UNC79: variants seen among roughly 807,000 people sequenced by gnomAD.
The protein encoded by UNC79 is unc-79 subunit of NALCN channel complex.
Under a neutral mutation model 283.1 loss-of-function variants are expected in UNC79, and 37 were observed. The observed-to-expected ratio is 0.13, with a 90% CI of 0.10 to 0.17. The LOEUF is 0.17. Among genes scored for constraint, UNC79 ranks in the 10% least tolerant of loss-of-function variants. The pLI, the probability that UNC79 is intolerant of heterozygous loss-of-function variation, is 1.00. For synonymous variants in UNC79, 1,107 were observed against 1,200.2 expected (o/e 0.92, Z 1.61); for missense variants, 2,272 against 3,211.1 (o/e 0.71, Z 7.07).
chr14:93,358,396 G>T (rs1215987411), intron 1 of UNC79, among the ~76,000 whole-genome samples: 2 of 152,160 alleles, frequency 1.3e-5, no homozygotes, highest in Non-Finnish European at 2.9e-5. Context: ...TTCAGAAGCA[G>T]ATCCTGAGCC....
At chr14:93,431,673 G>T (rs2055884047) in intron 1 of UNC79, among the ~76,000 whole-genome samples, 1 of 152,202 alleles carries the variant, frequency 6.6e-6, no homozygotes, top group Non-Finnish European at 1.5e-5. Context: ...CTGGGAAAAT[G>T]ACCTAATTGA....
chr14:93,377,619 A>C (rs953312602), intron 1 of UNC79, among the ~76,000 whole-genome samples: 1 of 152,220 alleles, frequency 6.6e-6, no homozygotes, highest in East Asian at 1.9e-4. Flanking sequence ...TCAATCTCTC[A>C]AACTCTACAT....
intron 31 of UNC79, among the ~76,000 whole-genome samples, chr14:93,632,682 T>C (rs1401418903): frequency 2.0e-5 from 3 of 150,664 alleles, no homozygotes; most frequent in African/African-American, 7.4e-5. Context: ...CTGTGCACCC[T>C]GTCTCAAAAA....
At chr14:93,550,046 A>G (rs1336923840) in intron 14 of UNC79, among the ~76,000 whole-genome samples, 1 of 152,246 alleles carries the variant, frequency 6.6e-6, no homozygotes, top group Non-Finnish European at 1.5e-5. Context: ...CATTCAGCAA[A>G]CATGGACTTC....
chr14:93,654,866 C>A (rs1008937030), intron 37 of UNC79, among the ~76,000 whole-genome samples: 15 of 152,080 alleles, frequency 9.9e-5, no homozygotes, highest in Non-Finnish European at 1.9e-4. Flanking sequence ...GGTTTGCTTG[C>A]GGGAGATGCT....
intron 1 of UNC79, among the ~76,000 whole-genome samples, chr14:93,412,330 A>G (rs1307418883): frequency 2.0e-5 from 3 of 152,086 alleles, no homozygotes; most frequent in African/African-American, 7.2e-5. Flanking sequence ...TATTGGCCTT[A>G]AAGAGGAGGT....
At chr14:93,705,977 A>G (rs1029342549) in intron 48 of UNC79, among the ~76,000 whole-genome samples, 5 of 152,158 alleles carry the variant, frequency 3.3e-5, no homozygotes, top group Admixed American at 2.0e-4. Flanking sequence ...GGGCATGGGC[A>G]CTGCTGAAAA....
intron 22 of UNC79, among the ~76,000 whole-genome samples, chr14:93,587,402 T>G (rs2064298136): frequency 6.6e-6 from 1 of 152,184 alleles, no homozygotes; most frequent in African/African-American, 2.4e-5. Flanking sequence ...CCTGAAAACC[T>G]TAAAATAACT....
intron 35 of UNC79, among the ~76,000 whole-genome samples, chr14:93,652,130 C>T (rs541475475): frequency 2.3e-4 from 35 of 152,060 alleles, no homozygotes; most frequent in African/African-American, 8.0e-4. Flanking sequence ...ATGGGAGAGT[C>T]GGCACCCTTT....
chr14:93,511,194 C>T (rs762384522), intron 7 of UNC79, among the ~76,000 whole-genome samples: 6 of 152,210 alleles, frequency 3.9e-5, no homozygotes, highest in East Asian at 3.9e-4. Context: ...TCCACTCCCA[C>T]GATCTAGTCA....
rs750840316 is a variant in UNC79, at chr14:93,597,564, G to A, written c.3372+24G>A. The A allele has an allele frequency of 2.5e-6, 4 of 1,600,000 alleles. No individual in the cohort carries two copies. In the African/African-American group the frequency reaches 5.4e-5, roughly 21 times the overall value. On this transcript the variant is annotated intron_variant, in intron 24 of 48. Coordinates refer to ENST00000555664, the Ensembl canonical transcript of UNC79. ...AGGTGACATGTGATTTGTGTTATCT[G>A]CTCCGAAGGTGGTTTGTGTCAGCAC...
intron 30 of UNC79, among the ~76,000 whole-genome samples, chr14:93,626,595 G>A (rs533605847): frequency 1.3e-5 from 2 of 152,148 alleles, no homozygotes; most frequent in South Asian, 4.2e-4. Context: ...AAACATTTTG[G>A]AAGAGATAGA....
At chr14:93,503,044 A>G (rs1370098968) in intron 7 of UNC79, among the ~76,000 whole-genome samples, 5 of 152,334 alleles carry the variant, frequency 3.3e-5, no homozygotes, top group African/African-American at 7.2e-5. Context: ...TCACAAATTT[A>G]TAAGTGTTCA....
chr14:93,618,568 T>A (rs2066899587), intron 29 of UNC79, among the ~76,000 whole-genome samples: 1 of 152,246 alleles, frequency 6.6e-6, no homozygotes, highest in Non-Finnish European at 1.5e-5. Flanking sequence ...AAAGCCTGTA[T>A]CATAAGAAAT....
intron 1 of UNC79, among the ~76,000 whole-genome samples, chr14:93,370,696 C>T (rs543503762): frequency 2.6e-5 from 4 of 152,178 alleles, no homozygotes; most frequent in African/African-American, 7.2e-5. Flanking sequence ...CACTTGAACC[C>T]GGGAGGTGGA....
chr14:93,370,646 C>A (rs1386576228), intron 1 of UNC79, among the ~76,000 whole-genome samples: 1 of 152,082 alleles, frequency 6.6e-6, no homozygotes, highest in Non-Finnish European at 1.5e-5. Context: ...GTGGTACATG[C>A]CTGTAGTCCT....
chr14:93,395,997 CCTT>C (rs2054987803), intron 1 of UNC79, among the ~76,000 whole-genome samples: 1 of 152,126 alleles, frequency 6.6e-6, no homozygotes, highest in Non-Finnish European at 1.5e-5. Context: ...TTGCTCCTCT[CCTT>C]CTAGGACTCT....
chr14:93,675,450 A>C (rs1460475799), intron 41 of UNC79, among the ~76,000 whole-genome samples: 4 of 151,106 alleles, frequency 2.6e-5, no homozygotes, highest in Non-Finnish European at 5.9e-5. Context: ...TGAAGTTGAC[A>C]TGTAAGTTAA....
chr14:93,517,618 G>C (rs1022457836), intron 7 of UNC79, among the ~76,000 whole-genome samples: 1 of 151,696 alleles, frequency 6.6e-6, no homozygotes, highest in African/African-American at 2.4e-5. Context: ...CTGTTAATAT[G>C]GTAAATTACA....
Sources: gnomAD v4.1 joint callset for allele counts (sites outside exome capture counted in the v4.1 genomes callset) on GRCh38, gnomAD v4.1.1 for gene constraint, MANE v1.5 for transcripts, NCBI Gene and HGNC (gene_info 2026-07-23, HGNC 2026-07-21) for gene names.